Variants in WDFY4 observed in about 807,000 individuals in gnomAD.
WDFY4 encodes the protein WDFY family member 4.
WDFY4 carries 169 observed loss-of-function variants against 351.9 expected under a neutral mutation model. That is an observed-to-expected ratio of 0.48 (90% CI 0.42 to 0.55). The LOEUF (loss-of-function observed/expected upper bound fraction) is 0.55. WDFY4 is among the 20% of genes least tolerant of loss of function. WDFY4 has a pLI of 0.00. For missense variants in WDFY4, 3,803 were observed against 3,935.6 expected (o/e 0.97, Z 0.90); for synonymous variants, 1,622 against 1,574.6 (o/e 1.03, Z -0.71).
chr10:48,714,695 C>A (rs1220631353), intron 2 of WDFY4, among the ~76,000 whole-genome samples: 2 of 152,150 alleles, frequency 1.3e-5, no homozygotes, highest in Non-Finnish European at 2.9e-5. Flanking sequence ...ACAGAAGTAG[C>A]CAATGAGGTT....
intron 39 of WDFY4, among the ~76,000 whole-genome samples, chr10:48,834,966 A>G (rs778251834): frequency 6.6e-6 from 1 of 152,212 alleles, no homozygotes; most frequent in Non-Finnish European, 1.5e-5. Context: ...CTTGGCTCAC[A>G]TTGAGAGATC....
At position 48,969,086 on chromosome 10, in the gene WDFY4, C is replaced by T. The variant is rs1432996243; in HGVS notation, c.8607C>T (p.Gly2869=). 1.9e-6 allele frequency: 3 copies of T among 1,551,662 alleles called. No homozygotes were observed. The highest frequency in any genetic ancestry group is 1.7e-4 in the Middle Eastern group (1 of 5,990). The change falls in exon 56 of 62, where the codon GGC becomes GGT. Residue 2869 remains glycine, a synonymous_variant. Transcript: ENST00000325239. ...TVKDMYLFSL[G]SESPKGAIGH... is the part of the protein sequence containing the mutation. ...TAGATATGTACCTCTTTTCTCTAGG[C>T]TCAGAGTCCCCCAAAGGGGCCATTG...
intron 23 of WDFY4, among the ~76,000 whole-genome samples, chr10:48,795,534 T>TATATATATAC (rs1565208128): frequency 1.5e-5 from 1 of 67,844 alleles, no homozygotes; most frequent in African/African-American, 8.0e-5. Context: ...CATATATATA[T>TATATATATAC]ACACACACAT....
chr10:48,726,237 A>G (rs2064263464), intron 6 of WDFY4, among the ~76,000 whole-genome samples, 167 bp downstream of exon 6: 1 of 152,228 alleles, frequency 6.6e-6, no homozygotes, highest in Non-Finnish European at 1.5e-5. Context: ...CATGTCCGGT[A>G]GATAATTCTA....
At chr10:48,793,606 C>T (rs568844044) in intron 23 of WDFY4, among the ~76,000 whole-genome samples, 9 of 152,292 alleles carry the variant, frequency 5.9e-5, no homozygotes, top group South Asian at 2.1e-4. Flanking sequence ...TGTGCATTTG[C>T]GTGATGTCTG....
intron 43 of WDFY4, among the ~76,000 whole-genome samples, chr10:48,879,181 A>G (rs2070147572): frequency 6.6e-6 from 1 of 152,204 alleles, no homozygotes; most frequent in Admixed American, 6.5e-5. Flanking sequence ...TCTTTGCTTT[A>G]TGCCCTTAAA....
chr10:48,829,674 A>T (rs1361365514), intron 37 of WDFY4, among the ~76,000 whole-genome samples: 1 of 152,152 alleles, frequency 6.6e-6, no homozygotes, highest in Non-Finnish European at 1.5e-5. Flanking sequence ...ACATGCTGAA[A>T]GCCTGTCACT....
At chr10:48,917,310 AAC>A (rs1838641553) in intron 47 of WDFY4, among the ~76,000 whole-genome samples, 1 of 152,224 alleles carries the variant, frequency 6.6e-6, no homozygotes, top group Non-Finnish European at 1.5e-5. Context: ...AGTGTGGAAA[AAC>A]AGTTGTGGTG....
rs752817503 is a variant in WDFY4 at position 48,817,427 on chromosome 10, C to G, written c.5505+18C>G. On this transcript the variant is annotated intron_variant, in intron 32 of 61. Transcript: ENST00000325239. ...CCCAAAAGGTAGGACATGCTGCTGTCCCACCCAGAGAGAGCAGTTGTGAGC... is the reference window on the plus strand; with the variant it reads ...CCCAAAAGGTAGGACATGCTGCTGTGCCACCCAGAGAGAGCAGTTGTGAGC... The G allele has an allele frequency of 1.3e-5, 20 of 1,542,774 alleles. No individual in the cohort carries two copies. Among genetic ancestry groups the G allele is most frequent in the Non-Finnish European group, 1.8e-5 (20 of 1,140,944 alleles).
In WDFY4 at chr10:48,805,265, G is replaced by C. The variant is rs1262289644; in HGVS notation, c.4490G>C (p.Gly1497Ala). Reference sequence around the variant, plus strand: ...CTCTCTCCTGTACTCACCAGGGAAGGACCCAGGAATGCTGAAGCTGCCCAC... The same window carrying C: ...CTCTCTCCTGTACTCACCAGGGAAGCACCCAGGAATGCTGAAGCTGCCCAC... ...LLEILQSPREGPRNAEAAHQA... is the reference protein window; with the variant it reads ...LLEILQSPREAPRNAEAAHQA... Residue 1497 changes from glycine to alanine, a missense_variant, in exon 26 of 62, where the codon GGA becomes GCA. Coordinates refer to ENST00000325239, the MANE Select transcript of WDFY4 (RefSeq NM_001394531.1). 1.9e-6 allele frequency: 3 copies of C among 1,543,134 alleles called. No homozygotes were observed. The highest frequency in any genetic ancestry group is 2.6e-6 in the Non-Finnish European group (3 of 1,146,914).
intron 19 of WDFY4, among the ~76,000 whole-genome samples, chr10:48,785,681 T>C (rs1348754373): frequency 6.6e-6 from 1 of 152,208 alleles, no homozygotes; most frequent in Non-Finnish European, 1.5e-5. Flanking sequence ...TCTATTCTGT[T>C]CCATCGATCT....
intron 39 of WDFY4, among the ~76,000 whole-genome samples, chr10:48,858,301 C>G (rs2069211111): frequency 6.6e-6 from 1 of 152,132 alleles, no homozygotes. Context: ...GAACTCTTTG[C>G]TTATCCCTAG....
chr10:48,825,241 G>A (rs1019217894), intron 35 of WDFY4, among the ~76,000 whole-genome samples: 2 of 152,150 alleles, frequency 1.3e-5, no homozygotes, highest in Non-Finnish European at 2.9e-5. Context: ...TTAGTTTGCT[G>A]AGGATAATGG....
chr10:48,745,197 T>C lies in WDFY4; in HGVS notation c.2459+1649T>C, dbSNP rs190077006. ...CCTTATAAATTATAGTTGACTCTTA[T>C]GTGTTTGAATTTTGAATTTCCATTG... On this transcript the variant is annotated intron_variant, in intron 12 of 61. Coordinates refer to ENST00000325239, the MANE Select transcript of WDFY4 (RefSeq NM_001394531.1). Among the ~76,000 whole-genome samples the C allele has an allele frequency of 1.2e-4, 18 of 152,352 alleles. No individual in the cohort carries two copies. The East Asian group carries it at 2.5e-3, about 21-fold the overall frequency.
chr10:48,704,946 C>T (rs1439675784), intron 1 of WDFY4, among the ~76,000 whole-genome samples: 1 of 47,516 alleles, frequency 2.1e-5, no homozygotes, highest in Non-Finnish European at 6.5e-5. Context: ...CTGACTAATG[C>T]TAGAGGGGCC....
chr10:48,898,934 G>A (rs939949734), intron 45 of WDFY4, among the ~76,000 whole-genome samples: 21 of 152,226 alleles, frequency 1.4e-4, no homozygotes, highest in East Asian at 3.9e-4. Flanking sequence ...GCGGGAGGCC[G>A]TGTCCTGCCT....
intron 13 of WDFY4, among the ~76,000 whole-genome samples, chr10:48,766,004 A>G (rs2065657546): frequency 6.6e-6 from 1 of 152,194 alleles, no homozygotes; most frequent in South Asian, 2.1e-4. Flanking sequence ...CAAACACTGA[A>G]CTAATTGTAT....
intron 47 of WDFY4, among the ~76,000 whole-genome samples, chr10:48,916,826 GAC>G (rs199765342): frequency 0.21 from 17,715 of 83,332 alleles, 2,661 homozygotes; most frequent in African/African-American, 0.4. Flanking sequence ...ACCTACTACA[GAC>G]CCCTAGGTGC....
intron 47 of WDFY4, among the ~76,000 whole-genome samples, chr10:48,930,124 C>A (rs2133674066): frequency 6.6e-6 from 1 of 152,266 alleles, no homozygotes; most frequent in African/African-American, 2.4e-5. Flanking sequence ...TTAATAGATA[C>A]AGTCTAAGCG....
Sources: gnomAD v4.1 joint callset for allele counts (sites outside exome capture counted in the v4.1 genomes callset) on GRCh38, gnomAD v4.1.1 for gene constraint, MANE v1.5 for transcripts, NCBI Gene and HGNC (gene_info 2026-07-23, HGNC 2026-07-21) for gene names.